Variants in BMAL2 observed in about 807,000 individuals in gnomAD.
BMAL2 encodes the protein basic helix-loop-helix ARNT like 2.
chr12:27,358,945 A>G, the BMAL2 span, among the ~76,000 whole-genome samples: 1 of 152,028 alleles, frequency 6.6e-6, no homozygotes, highest in African/African-American at 2.4e-5. Flanking sequence ...AATAGTGCCA[A>G]TTAATACTTA....
chr12:27,388,552 A>T, the BMAL2 span, among the ~76,000 whole-genome samples: 1 of 152,034 alleles, frequency 6.6e-6, no homozygotes, highest in Non-Finnish European at 1.5e-5. Flanking sequence ...AAGGGGAGGA[A>T]ACATTTCAAC....
At chr12:27,383,699 A>C in the BMAL2 span, among the ~76,000 whole-genome samples, 2 of 152,208 alleles carry the variant, frequency 1.3e-5, no homozygotes, top group Non-Finnish European at 2.9e-5. Context: ...TCCCTGACCT[A>C]GCACTCAGAG....
At chr12:27,389,423 T>C in the BMAL2 span, 1 of 614,906 alleles carries the variant, frequency 1.6e-6, no homozygotes, top group Non-Finnish European at 2.8e-6. Context: ...TTGTAAACTT[T>C]ACATCATACT....
At chr12:27,414,924 A>G in the BMAL2 span, among the ~76,000 whole-genome samples, 1 of 152,220 alleles carries the variant, frequency 6.6e-6, no homozygotes, top group Non-Finnish European at 1.5e-5. Context: ...TAGTGACAAT[A>G]TGAATGAACT....
the BMAL2 span, among the ~76,000 whole-genome samples, chr12:27,415,178 A>G: frequency 4.6e-5 from 7 of 152,350 alleles, no homozygotes; most frequent in Admixed American, 3.3e-4. Flanking sequence ...ACTATAGTTA[A>G]TAATGTTATA....
At chr12:27,413,112 A>C in the BMAL2 span, among the ~76,000 whole-genome samples, 2 of 152,014 alleles carry the variant, frequency 1.3e-5, no homozygotes, top group Non-Finnish European at 2.9e-5. Flanking sequence ...GTTAATCACC[A>C]TGAGATCTAC....
chr12:27,363,894 C>T, the BMAL2 span, among the ~76,000 whole-genome samples: 3 of 152,134 alleles, frequency 2.0e-5, no homozygotes, highest in African/African-American at 7.2e-5. Flanking sequence ...AAAATACTCT[C>T]CCTCCTTTAG....
the BMAL2 span, chr12:27,418,090 G>A: frequency 6.2e-7 from 1 of 1,607,550 alleles, no homozygotes. Flanking sequence ...CTTTTCAGAT[G>A]TCAAATAAGG....
the BMAL2 span, among the ~76,000 whole-genome samples, chr12:27,358,235 A>G: frequency 6.6e-6 from 1 of 152,132 alleles, no homozygotes; most frequent in African/African-American, 2.4e-5. Context: ...GGCTAAGGAC[A>G]TTAATAGACA....
chr12:27,389,348 C>CTA, the BMAL2 span: 1 of 1,258,158 alleles, frequency 7.9e-7, no homozygotes, highest in Non-Finnish European at 1.1e-6. Context: ...TAATGATCAC[C>CTA]TAAAAGTTTA....
chr12:27,406,028 AGAG>A, the BMAL2 span, among the ~76,000 whole-genome samples: 1 of 152,210 alleles, frequency 6.6e-6, no homozygotes, highest in Non-Finnish European at 1.5e-5. Context: ...TGAAGTGAGA[AGAG>A]ACGTTTAGAG....
At chr12:27,355,215 ATTC>A in the BMAL2 span, among the ~76,000 whole-genome samples, 6 of 152,066 alleles carry the variant, frequency 3.9e-5, no homozygotes, top group Admixed American at 3.9e-4. Flanking sequence ...GCTGCATCAT[ATTC>A]TTAGAGACAT....
the BMAL2 span, among the ~76,000 whole-genome samples, chr12:27,378,763 G>GTTTAAAAGGTTTAAAA: frequency 2.6e-5 from 4 of 152,236 alleles, no homozygotes; most frequent in Non-Finnish European, 4.4e-5. Flanking sequence ...AGGAGAGGAA[G>GTTTAAAAGGTTTAAAA]GAACAGCAGT....
the BMAL2 span, among the ~76,000 whole-genome samples, chr12:27,343,131 T>G: frequency 6.6e-6 from 1 of 152,242 alleles, no homozygotes; most frequent in Admixed American, 6.5e-5. Flanking sequence ...TAGGGCATAT[T>G]ATGCCGAGAT....
chr12:27,400,524 T>C, the BMAL2 span: 1 of 1,546,500 alleles, frequency 6.5e-7, no homozygotes, highest in South Asian at 1.3e-5. Flanking sequence ...TTTAAAAATC[T>C]TTGAATTAGA....
At chr12:27,404,993 G>A in the BMAL2 span, among the ~76,000 whole-genome samples, 5 of 149,528 alleles carry the variant, frequency 3.3e-5, no homozygotes, top group East Asian at 2.0e-4. Context: ...ACGGAGCCTC[G>A]CTCATTGCTA....
the BMAL2 span, among the ~76,000 whole-genome samples, chr12:27,405,525 G>T: frequency 6.6e-6 from 1 of 152,330 alleles, no homozygotes; most frequent in East Asian, 1.9e-4. Flanking sequence ...CAACACACCT[G>T]CAGCTGAGGG....
chr12:27,353,782 A>G, the BMAL2 span, among the ~76,000 whole-genome samples: 1 of 152,250 alleles, frequency 6.6e-6, no homozygotes, highest in Non-Finnish European at 1.5e-5. Flanking sequence ...CACTTCTCAA[A>G]AGAAGACATA....
chr12:27,385,450 T>A, the BMAL2 span: 2 of 1,480,138 alleles, frequency 1.4e-6, no homozygotes, highest in Non-Finnish European at 1.9e-6. Context: ...TCTACTATAT[T>A]TCCAATAACT....
Sources: gnomAD v4.1 joint callset for allele counts (sites outside exome capture counted in the v4.1 genomes callset) on GRCh38, gnomAD v4.1.1 for gene constraint, MANE v1.5 for transcripts, NCBI Gene and HGNC (gene_info 2026-07-23, HGNC 2026-07-21) for gene names.